The following RBFOX3 variants were observed in gnomAD, a reference collection of about 807,000 sequenced individuals.
RBFOX3 encodes the protein RNA binding fox-1 homolog 3, also known as RNA binding protein fox-1 homolog 3.
A neutral mutation model predicts 48.7 loss-of-function variants in RBFOX3; 17 were observed. The ratio of observed to expected loss-of-function variants is 0.35; its 90% CI spans 0.24 to 0.52. The LOEUF is 0.52. Among genes scored for constraint, RBFOX3 ranks in the 20% least tolerant of loss-of-function variants. The pLI is 0.94. For missense variants in RBFOX3, 382 were observed against 497.5 expected, an observed-to-expected ratio of 0.77 and a Z score of 2.21; for synonymous variants, 212 against 209.5, an observed-to-expected ratio of 1.01 and a Z score of -0.10.
chr17:79,409,092 C>T (rs1001883933), intron 2 of RBFOX3, among the ~76,000 whole-genome samples: 1 of 152,192 alleles, frequency 6.6e-6, no homozygotes, highest in Non-Finnish European at 1.5e-5. Context: ...TGGAATCATA[C>T]AATATGTGGC....
intron 1 of RBFOX3, among the ~76,000 whole-genome samples, chr17:79,576,546 G>A (rs2092867061): frequency 6.6e-6 from 1 of 151,938 alleles, no homozygotes; most frequent in African/African-American, 2.4e-5. Context: ...GGAGAAGTTG[G>A]AGATGATGGA....
At position 79,418,532 on chromosome 17, in the gene RBFOX3, G is replaced by A. The variant is rs1276394643; in HGVS notation, c.-175+63922C>T. 6.6e-6 allele frequency among the ~76,000 whole-genome samples: 1 copy of A among 152,234 alleles called. No homozygotes were observed. Among genetic ancestry groups the A allele is most frequent in the African/African-American group, 2.4e-5 (1 of 41,462 alleles). ...GAGCAAGAAGAAAGGCACAGACATA[G>A]ATGCCCAGACATGTGAAGGTGGTCA... On this transcript the variant is annotated intron_variant, in intron 2 of 14. Transcript: ENST00000693108. The surrounding 1 kb of genome is among the most constrained non-coding windows in gnomAD (Gnocchi z 5.0).
At chr17:79,545,577 C>A (rs964936647) in intron 1 of RBFOX3, among the ~76,000 whole-genome samples, 1 of 152,204 alleles carries the variant, frequency 6.6e-6, no homozygotes, top group African/African-American at 2.4e-5. Context: ...AGGTCGCTTC[C>A]TTCCAGGCAG....
intron 4 of RBFOX3, among the ~76,000 whole-genome samples, chr17:79,183,956 C>A (rs2052823024): frequency 6.6e-6 from 1 of 152,232 alleles, no homozygotes; most frequent in Non-Finnish European, 1.5e-5. Flanking sequence ...GGTCTGGAAT[C>A]TCCCTTTGCC....
chr17:79,353,117 G>A (rs968632115), intron 2 of RBFOX3, among the ~76,000 whole-genome samples: 2 of 152,230 alleles, frequency 1.3e-5, no homozygotes, highest in South Asian at 2.1e-4. Context: ...ATAAAACTAT[G>A]AGCCTGCGTT....
chr17:79,274,825 C>T (rs901803185), intron 3 of RBFOX3, among the ~76,000 whole-genome samples: 2 of 152,078 alleles, frequency 1.3e-5, no homozygotes, highest in African/African-American at 4.8e-5. Context: ...ACCACGGTCC[C>T]GCCAGCACAA....
chr17:79,623,247 C>T, the RBFOX3 span, among the ~76,000 whole-genome samples: 43,444 of 152,046 alleles, frequency 0.29, 6,799 homozygotes, highest in East Asian at 0.4. Flanking sequence ...CTAGAAGCAA[C>T]CAAAACTACC....
chr17:79,434,866 C>T (rs1247329104), intron 2 of RBFOX3, among the ~76,000 whole-genome samples: 2 of 152,132 alleles, frequency 1.3e-5, no homozygotes, highest in African/African-American at 4.8e-5. Context: ...GATGGCCAAG[C>T]ATGGCTGGGA....
At chr17:79,118,148 G>A (rs1367868626) in intron 4 of RBFOX3, among the ~76,000 whole-genome samples, 1 of 152,110 alleles carries the variant, frequency 6.6e-6, no homozygotes, top group Non-Finnish European at 1.5e-5. Context: ...CTCGGTGCTC[G>A]CCACCCTGCG....
intron 2 of RBFOX3, among the ~76,000 whole-genome samples, chr17:79,466,136 T>G (rs1212723568): frequency 2.0e-5 from 3 of 152,202 alleles, no homozygotes; most frequent in Non-Finnish European, 2.9e-5. Flanking sequence ...GGCTGTGTTT[T>G]CTACCCCGTG....
chr17:79,277,452 G>A (rs758931581), intron 3 of RBFOX3, among the ~76,000 whole-genome samples: 3 of 152,130 alleles, frequency 2.0e-5, no homozygotes, highest in Non-Finnish European at 2.9e-5. Context: ...TGTGCTGGTG[G>A]GATCCAACTT....
intron 6 of RBFOX3, among the ~76,000 whole-genome samples, chr17:79,105,500 C>T (rs1004056391): frequency 6.6e-6 from 1 of 152,168 alleles, no homozygotes; most frequent in Non-Finnish European, 1.5e-5. Flanking sequence ...GACCCAGAGT[C>T]GAGAAGGGAC....
At chr17:79,281,648 C>T (rs1414249771) in intron 3 of RBFOX3, among the ~76,000 whole-genome samples, 9 of 152,190 alleles carry the variant, frequency 5.9e-5, no homozygotes, top group African/African-American at 9.7e-5. Context: ...ATCTCTGCAC[C>T]GCTAGCCCAT....
intron 2 of RBFOX3, among the ~76,000 whole-genome samples, chr17:79,317,709 G>A (rs2077730198): frequency 6.6e-6 from 1 of 152,060 alleles, no homozygotes; most frequent in African/African-American, 2.4e-5. Flanking sequence ...TGCTTTCCAG[G>A]TAACTAGTAG....
Position 79,162,414 on chromosome 17 carries a change from C to T in RBFOX3, c.-33-46666G>A, listed in dbSNP as rs562391329. On this transcript the variant is annotated intron_variant, in intron 4 of 14. Transcript: ENST00000693108. The stretch of plus-strand genomic sequence containing the variant: ...GTGCCGCGCCCAGCCCTGCCTCTCT[C>T]CTGCCTCCAGCCAGGCCCACCACAC... Among the ~76,000 whole-genome samples the T allele has an allele frequency of 1.2e-4, 18 of 152,324 alleles. No homozygotes were observed. The East Asian group carries it at 3.5e-3, about 29-fold the overall frequency.
chr17:79,439,665 C>T (rs1310177251), intron 2 of RBFOX3, among the ~76,000 whole-genome samples: 1 of 152,258 alleles, frequency 6.6e-6, no homozygotes, highest in African/African-American at 2.4e-5. Flanking sequence ...CATGCATGTG[C>T]AAGCATGATC....
At chr17:79,184,976 G>A (rs2053097071) in intron 4 of RBFOX3, among the ~76,000 whole-genome samples, 1 of 152,204 alleles carries the variant, frequency 6.6e-6, no homozygotes, top group South Asian at 2.1e-4. Flanking sequence ...GGGCCATTGA[G>A]GAAGAGGGAA....
At chr17:79,346,416 C>T (rs538531525) in intron 2 of RBFOX3, among the ~76,000 whole-genome samples, 2 of 152,274 alleles carry the variant, frequency 1.3e-5, no homozygotes, top group Non-Finnish European at 1.5e-5. Flanking sequence ...ACCAAAGTTA[C>T]ATAAGTTCAT....
At position 79,390,967 on chromosome 17, in the gene RBFOX3, C is replaced by T. The variant is rs2061320518; in HGVS notation, c.-174-83143G>A. 6.6e-6 allele frequency among the ~76,000 whole-genome samples: 1 copy of T among 152,194 alleles called. No homozygotes were observed. Among genetic ancestry groups the T allele is most frequent in the African/African-American group, 2.4e-5 (1 of 41,456 alleles). ...CAGCTCTGCTTCTCCCTTCTCTCTT[C>T]CCGCTTTCTTCTCCACAGCCCCCTG... is the stretch of plus-strand genomic sequence containing the variant. On this transcript the variant is annotated intron_variant, in intron 2 of 14. Transcript: ENST00000693108. This position sits in a 1 kb window ranked among gnomAD's most constrained non-coding sequence, Gnocchi z 4.2.
Sources: allele counts gnomAD v4.1 joint callset (sites outside exome capture counted in the v4.1 genomes callset), GRCh38; gene constraint gnomAD v4.1.1; non-coding constraint Gnocchi (gnomAD v3.1); transcripts MANE v1.5; gene names NCBI Gene and HGNC (gene_info 2026-07-23, HGNC 2026-07-21).